Variants in TENM1 observed in about 807,000 individuals in gnomAD.
TENM1 encodes the protein teneurin transmembrane protein 1, also known as teneurin-1.
Under a neutral mutation model 174.8 loss-of-function variants are expected in TENM1, and 35 were observed. The observed-to-expected ratio is 0.20, with a 90% CI of 0.15 to 0.27. TENM1 has a LOEUF of 0.27. TENM1 is among the 10% of genes least tolerant of loss of function. TENM1 has a pLI of 1.00. For synonymous variants in TENM1, 781 were observed against 798.7 expected (o/e 0.98, Z 0.37); for missense variants, 1,633 against 2,130.1 (o/e 0.77, Z 4.59).
chrX:124,659,033 T>C (rs1170841142), intron 6 of TENM1, among the ~76,000 whole-genome samples: 1 of 112,040 alleles, frequency 8.9e-6, no homozygotes, highest in East Asian at 2.8e-4. Flanking sequence ...TTCAGAAAAA[T>C]GAGTTTCCAA....
At chrX:125,040,601 T>C in the TENM1 span, among the ~76,000 whole-genome samples, 1 of 111,421 alleles carries the variant, frequency 9.0e-6, no homozygotes, top group Non-Finnish European at 1.9e-5. Context: ...GCAACTCTCA[T>C]CAGTTATGAT....
Position 124,692,881 on chromosome X carries a change from G to A in TENM1, c.1015+12132C>T, listed in dbSNP as rs1430819463. On this transcript the variant is annotated intron_variant, in intron 5 of 31. Transcript: ENST00000422452. ...AAATTAGCTGGGCGTGGTGATGCAT[G>A]CCTGTAATTCCAGTTACTCGGGAGG... 3.7e-5 allele frequency among the ~76,000 whole-genome samples: 4 copies of A among 107,026 alleles called. No homozygotes were observed. The Admixed American group carries it at 4.1e-4, about 11-fold the overall frequency. The allele number at this position is 107,026 out of a possible 115,157, so 92.9% of individuals were successfully genotyped here.
At chrX:124,783,420 A>G (rs1378298505) in intron 3 of TENM1, among the ~76,000 whole-genome samples, 3 of 112,147 alleles carry the variant, frequency 2.7e-5, no homozygotes, top group African/African-American at 9.7e-5. Context: ...AGAACAATCT[A>G]GCATATATTG....
chrX:124,546,304 A>G (rs1388430553), intron 15 of TENM1, among the ~76,000 whole-genome samples: 1 of 112,169 alleles, frequency 8.9e-6, no homozygotes, highest in Non-Finnish European at 1.9e-5. Flanking sequence ...AAGATGAATT[A>G]AAGAATAACA....
At chrX:124,805,120 C>T (rs974198829) in intron 3 of TENM1, among the ~76,000 whole-genome samples, 13 of 111,383 alleles carry the variant, frequency 1.2e-4, no homozygotes, top group Non-Finnish European at 2.1e-4. Context: ...TACTCAAAGT[C>T]GCACAATTAC....
the TENM1 span, among the ~76,000 whole-genome samples, chrX:125,194,223 G>A: frequency 9.0e-6 from 1 of 111,120 alleles, no homozygotes; most frequent in South Asian, 3.9e-4. Flanking sequence ...CTGCTTCATG[G>A]CATTACCTAG....
the TENM1 span, among the ~76,000 whole-genome samples, chrX:125,048,966 C>G: frequency 1.8e-5 from 2 of 111,316 alleles, no homozygotes; most frequent in Admixed American, 1.9e-4. Flanking sequence ...ATAATAGTAC[C>G]GATGTACATA....
chrX:124,477,446 T>C (rs984588318), intron 22 of TENM1, among the ~76,000 whole-genome samples: 3 of 111,902 alleles, frequency 2.7e-5, no homozygotes, highest in African/African-American at 9.6e-5. Context: ...TCCCCCAATA[T>C]TTCCAACCTT....
chrX:124,480,594 A>G (rs1464613973), intron 22 of TENM1, among the ~76,000 whole-genome samples: 3 of 112,146 alleles, frequency 2.7e-5, no homozygotes, highest in Non-Finnish European at 5.6e-5. Flanking sequence ...TGCATGGAAA[A>G]GTCTAGAAGG....
intron 3 of TENM1, among the ~76,000 whole-genome samples, chrX:124,751,667 G>C (rs2054074676): frequency 1.3e-5 from 1 of 77,386 alleles, no homozygotes; most frequent in African/African-American, 4.9e-5. Flanking sequence ...ACAGTTCCCA[G>C]AGTGTGATGT....
Position 124,436,550 on chromosome X carries a change from G to A in TENM1, c.4105-13912C>T, listed in dbSNP as rs770782252. On this transcript the variant is annotated intron_variant, in intron 23 of 31. Transcript: ENST00000422452. ...ACTCTGTCGCCCAGGCTGGAGTGCA[G>A]TGGCATGATCCCAGCTCACTGCAAG... 1.5e-3 allele frequency among the ~76,000 whole-genome samples: 167 copies of A among 108,688 alleles called. 1 individual carries two copies. Among genetic ancestry groups the A allele is most frequent in the African/African-American group, 5.5e-3 (164 of 29,827 alleles). 94.4% of individuals were successfully genotyped at this position (108,688 alleles called of 115,157 possible). A position where few individuals can be genotyped will look rare whatever the true frequency, so the allele number is the denominator to read the frequency against.
intron 11 of TENM1, among the ~76,000 whole-genome samples, chrX:124,578,894 C>G (rs2049234997): frequency 8.9e-6 from 1 of 111,974 alleles, no homozygotes; most frequent in African/African-American, 3.2e-5. Flanking sequence ...CCAGTCAATT[C>G]TATATTTACG....
At chrX:124,399,305 A>G (rs1390442284) in intron 27 of TENM1, among the ~76,000 whole-genome samples, 3 of 112,191 alleles carry the variant, frequency 2.7e-5, no homozygotes, top group Non-Finnish European at 5.6e-5. Context: ...GGCAGTATAC[A>G]TGGTAAGGCT....
chrX:124,448,650 A>G (rs1365409363), intron 23 of TENM1, among the ~76,000 whole-genome samples: 1 of 111,345 alleles, frequency 9.0e-6, no homozygotes. Flanking sequence ...TCTTTTTACC[A>G]TTATGTCCTT....
At chrX:124,871,324 G>A (rs1489921037) in intron 3 of TENM1, among the ~76,000 whole-genome samples, 3 of 112,194 alleles carry the variant, frequency 2.7e-5, no homozygotes, top group Admixed American at 9.5e-5. Flanking sequence ...GATGAGAGAT[G>A]ATGGTGGCTT....
chrX:124,504,600 A>AT (rs1027048345), intron 18 of TENM1, among the ~76,000 whole-genome samples: 2 of 111,473 alleles, frequency 1.8e-5, no homozygotes, highest in Non-Finnish European at 3.8e-5. Flanking sequence ...ACACTGGCTC[A>AT]TTATACTGCA....
chrX:124,594,792 T>C (rs1201444771), intron 11 of TENM1, among the ~76,000 whole-genome samples: 1 of 112,093 alleles, frequency 8.9e-6, no homozygotes, highest in Non-Finnish European at 1.9e-5. Context: ...AATTTCTCTG[T>C]TTGATACTCA....
chrX:124,527,650 CTTTTTTT>C (rs996971096), intron 16 of TENM1, among the ~76,000 whole-genome samples: 3 of 92,881 alleles, frequency 3.2e-5, no homozygotes, highest in Non-Finnish European at 6.5e-5. Flanking sequence ...TTTCTTTTTT[CTTTTTTT>C]TTTTTTTTTG....
intron 11 of TENM1, among the ~76,000 whole-genome samples, chrX:124,619,638 T>G (rs7057492): frequency 0.066 from 7,382 of 111,739 alleles, 289 homozygotes; most frequent in African/African-American, 0.14. Context: ...GATAAAATAT[T>G]GTACCAATTT....
Sources: allele counts gnomAD v4.1 joint callset (sites outside exome capture counted in the v4.1 genomes callset), GRCh38; gene constraint gnomAD v4.1.1; transcripts MANE v1.5; gene names NCBI Gene and HGNC (gene_info 2026-07-23, HGNC 2026-07-21).